The following SLX4IP variants were observed in gnomAD, a reference collection of about 807,000 sequenced individuals.
The protein encoded by SLX4IP is SLX4 interacting protein.
In SLX4IP, 34 loss-of-function variants were observed where a neutral mutation model predicts 32.9. The observed-to-expected ratio is 1.03, with a 90% confidence interval of 0.79 to 1.38. SLX4IP has a LOEUF of 1.38. Among genes scored for constraint, SLX4IP ranks in the 40% most tolerant of loss-of-function variants. The pLI, the probability that SLX4IP is intolerant of heterozygous loss-of-function variation, is 0.00. For missense variants in SLX4IP, 444 were observed against 479.0 expected (o/e 0.93, Z 0.68); for synonymous variants, 172 against 171.7 (o/e 1.00, Z -0.01).
At chr20:10,525,653 A>G (rs1011632741) in intron 2 of SLX4IP, among the ~76,000 whole-genome samples, 6 of 152,212 alleles carry the variant, frequency 3.9e-5, no homozygotes, top group African/African-American at 1.2e-4. Context: ...AGAATTATTC[A>G]AATGAATTAT....
At chr20:10,549,295 C>T (rs535125890) in intron 2 of SLX4IP, among the ~76,000 whole-genome samples, 1 of 152,278 alleles carries the variant, frequency 6.6e-6, no homozygotes, top group South Asian at 2.1e-4. Context: ...CTTTCACTGC[C>T]TCACTGCACT....
intron 1 of SLX4IP, among the ~76,000 whole-genome samples, chr20:10,447,290 G>GT (rs5840376): frequency 0.37 from 56,595 of 151,890 alleles, 12,342 homozygotes; most frequent in Non-Finnish European, 0.49. Flanking sequence ...CAGTACGTTA[G>GT]TTTTTTTACC....
rs374219598 is a variant in SLX4IP at position 10,580,176 on chromosome 20, T to G, written c.239-18499T>G. Among the ~76,000 whole-genome samples, 17 of 152,314 alleles carry G rather than the reference T, an allele frequency of 1.1e-4. No homozygotes were observed. In the South Asian group the frequency reaches 1.2e-3, roughly 11 times the overall value. On this transcript the variant is annotated intron_variant, in intron 4 of 7. Transcript: ENST00000334534. ...GCACTCATGGGTCTTTAATTCTCATTCAGAATCCTTTCCCTCAGGTTCTAA... is the reference window on the plus strand; with the variant it reads ...GCACTCATGGGTCTTTAATTCTCATGCAGAATCCTTTCCCTCAGGTTCTAA...
intron 3 of SLX4IP, among the ~76,000 whole-genome samples, chr20:10,557,591 C>A (rs1218882589): frequency 6.6e-6 from 1 of 152,220 alleles, no homozygotes; most frequent in African/African-American, 2.4e-5. Flanking sequence ...CCAATAGTCA[C>A]CCAAGGGGAC....
At chr20:10,485,665 A>G (rs2065566150) in intron 2 of SLX4IP, among the ~76,000 whole-genome samples, 1 of 152,056 alleles carries the variant, frequency 6.6e-6, no homozygotes, top group Non-Finnish European at 1.5e-5. Flanking sequence ...CCCAAAACTT[A>G]ACTACTAATA....
chr20:10,547,705 T>G (rs1483929484), intron 2 of SLX4IP, among the ~76,000 whole-genome samples: 2 of 152,196 alleles, frequency 1.3e-5, no homozygotes, highest in African/African-American at 2.4e-5. Context: ...CTGCAGTGTT[T>G]TTTTTCCTGC....
At chr20:10,474,729 A>C (rs1203775723) in intron 2 of SLX4IP, among the ~76,000 whole-genome samples, 6 of 152,210 alleles carry the variant, frequency 3.9e-5, no homozygotes, top group Non-Finnish European at 8.8e-5. Context: ...TGTTGCAGCC[A>C]AACTTCCGAA....
chr20:10,482,092 A>G (rs1174495817), intron 2 of SLX4IP, among the ~76,000 whole-genome samples: 1 of 152,214 alleles, frequency 6.6e-6, no homozygotes, highest in East Asian at 1.9e-4. Flanking sequence ...CAGATTATAT[A>G]AGGGTGTGAA....
intron 6 of SLX4IP, among the ~76,000 whole-genome samples, chr20:10,618,112 T>C (rs928346298): frequency 1.8e-4 from 28 of 152,234 alleles, no homozygotes; most frequent in African/African-American, 6.8e-4. Flanking sequence ...TATCACCCAT[T>C]GTCATACTCA....
intron 2 of SLX4IP, among the ~76,000 whole-genome samples, chr20:10,539,557 A>T (rs552233944): frequency 1.3e-5 from 2 of 152,202 alleles, no homozygotes; most frequent in South Asian, 4.2e-4. Flanking sequence ...TCAAGCAGAC[A>T]CCAGGATCTG....
At chr20:10,556,377 A>G in intron 3 of SLX4IP, 57 bp downstream of exon 3, 2 of 1,503,090 alleles carry the variant, frequency 1.3e-6, no homozygotes, top group Non-Finnish European at 1.8e-6. Flanking sequence ...TATAAGAAAT[A>G]TCAGCTCTTT....
chr20:10,613,747 T>G (rs2066994620), intron 6 of SLX4IP: 1 of 1,613,616 alleles, frequency 6.2e-7, no homozygotes, highest in Non-Finnish European at 8.5e-7. Flanking sequence ...TTCCTTATCC[T>G]GGGTTCCTCT....
intron 4 of SLX4IP, among the ~76,000 whole-genome samples, chr20:10,592,023 G>T (rs561907749): frequency 1.3e-5 from 2 of 152,250 alleles, no homozygotes; most frequent in African/African-American, 2.4e-5. Flanking sequence ...TGGCTCCGAA[G>T]AATTATTTTA....
chr20:10,616,179 C>A (rs902468618), intron 6 of SLX4IP, among the ~76,000 whole-genome samples: 1 of 152,008 alleles, frequency 6.6e-6, no homozygotes, highest in Non-Finnish European at 1.5e-5. Context: ...CTCTATATCC[C>A]GTCCATCAGC....
intron 6 of SLX4IP, among the ~76,000 whole-genome samples, chr20:10,604,549 A>G (rs2066882811): frequency 6.6e-6 from 1 of 152,264 alleles, no homozygotes; most frequent in Admixed American, 6.5e-5. Flanking sequence ...TGGTTGCACA[A>G]AAGAACTGCT....
At chr20:10,533,116 T>C (rs2066003778) in intron 2 of SLX4IP, among the ~76,000 whole-genome samples, 3 of 152,090 alleles carry the variant, frequency 2.0e-5, no homozygotes, top group Non-Finnish European at 2.9e-5. Flanking sequence ...AACTTCAGTA[T>C]TTCAAAACCT....
rs1212660087 is a variant in SLX4IP, at chr20:10,548,047, G to A, written c.28-8184G>A. ...TTGCAAACCAAAATGACCAGGAGATGAGATCTTAAAGGGAAGGCACCTTGA... is the reference window on the plus strand; with the variant it reads ...TTGCAAACCAAAATGACCAGGAGATAAGATCTTAAAGGGAAGGCACCTTGA... On this transcript the variant is annotated intron_variant, in intron 2 of 7. Transcript: ENST00000334534. Among the ~76,000 whole-genome samples, 4 of 152,170 alleles carry A rather than the reference G, an allele frequency of 2.6e-5. No homozygotes were observed. In the East Asian group the frequency reaches 7.7e-4, roughly 29 times the overall value.
At chr20:10,591,319 TTTC>T (rs1162876245) in intron 4 of SLX4IP, among the ~76,000 whole-genome samples, 7 of 152,242 alleles carry the variant, frequency 4.6e-5, no homozygotes, top group Non-Finnish European at 1.0e-4. Context: ...TCCAAGGTTG[TTTC>T]TTGTCCTTTG....
At chr20:10,441,497 GTGGC>G (rs2065159285) in intron 1 of SLX4IP, among the ~76,000 whole-genome samples, 1 of 152,184 alleles carries the variant, frequency 6.6e-6, no homozygotes, top group Non-Finnish European at 1.5e-5. Flanking sequence ...ATCCCATGCA[GTGGC>G]TGGTGGGGAT....
Sources: allele counts gnomAD v4.1 joint callset (sites outside exome capture counted in the v4.1 genomes callset), GRCh38; gene constraint gnomAD v4.1.1; transcripts MANE v1.5; gene names NCBI Gene and HGNC (gene_info 2026-07-23, HGNC 2026-07-21).